Variants in SAMD12 observed in about 807,000 individuals in gnomAD.
SAMD12 encodes sterile alpha motif domain-containing protein 12.
In SAMD12, 9 loss-of-function variants were observed where a neutral mutation model predicts 15.0. The ratio of observed to expected loss-of-function variants is 0.60; its 90% CI spans 0.36 to 1.05. SAMD12 has a LOEUF of 1.05. SAMD12 is among the 50% of genes least tolerant of loss of function. The pLI, the probability that SAMD12 is intolerant of heterozygous loss-of-function variation, is 0.01. For synonymous variants in SAMD12, 86 were observed against 90.1 expected, an observed-to-expected ratio of 0.96 and a Z score of 0.25; for missense variants, 230 against 234.2, an observed-to-expected ratio of 0.98 and a Z score of 0.12.
At chr8:118,576,396 T>C (rs1291740776) in intron 2 of SAMD12, among the ~76,000 whole-genome samples, 1 of 152,214 alleles carries the variant, frequency 6.6e-6, no homozygotes, top group Non-Finnish European at 1.5e-5. Flanking sequence ...CCCCAGCCTA[T>C]TGTTCCAGAC....
At chr8:118,417,078 GTTTTGTT>G (rs1033970207) in intron 3 of SAMD12, among the ~76,000 whole-genome samples, 2 of 151,738 alleles carry the variant, frequency 1.3e-5, no homozygotes, top group Admixed American at 6.6e-5. Context: ...CAGAAGAATA[GTTTTGTT>G]TTTTGTTTTT....
At chr8:118,571,514 C>T (rs1175421653) in intron 2 of SAMD12, among the ~76,000 whole-genome samples, 1 of 152,168 alleles carries the variant, frequency 6.6e-6, no homozygotes, top group Non-Finnish European at 1.5e-5. Flanking sequence ...AGCAGCCCCT[C>T]CCATCACAGG....
At chr8:118,506,712 C>T (rs1161456993) in intron 2 of SAMD12, among the ~76,000 whole-genome samples, 2 of 151,862 alleles carry the variant, frequency 1.3e-5, no homozygotes, top group Admixed American at 6.6e-5. Context: ...TCTAGGCTGA[C>T]ACTATTTACA....
intron 2 of SAMD12, among the ~76,000 whole-genome samples, chr8:118,443,423 A>G (rs906747080): frequency 2.0e-5 from 3 of 152,144 alleles, no homozygotes; most frequent in African/African-American, 7.2e-5. Context: ...GTGCCATTGT[A>G]CACCAGCCTG....
the SAMD12 span, among the ~76,000 whole-genome samples, chr8:118,158,395 C>T: frequency 6.6e-6 from 1 of 152,198 alleles, no homozygotes; most frequent in African/African-American, 2.4e-5. Context: ...GAGGTGCTGC[C>T]AGGATGGCAA....
Position 118,302,078 on chromosome 8 carries a change from G to GTTTTTTTTTT in SAMD12, c.433+77472_433+77481dup, listed in dbSNP as rs58076997. Among the ~76,000 whole-genome samples, 484 of 74,656 alleles carry GTTTTTTTTTT rather than the reference G, an allele frequency of 6.5e-3. 87 individuals are homozygous for GTTTTTTTTTT. Among genetic ancestry groups the GTTTTTTTTTT allele is most frequent in the African/African-American group, 0.031 (444 of 14,266 alleles). The allele number at this position is 74,656 out of a possible 152,430, so 49.0% of individuals were successfully genotyped here. A position where few individuals can be genotyped will look rare whatever the true frequency, so the allele number is the denominator to read the frequency against. On this transcript the variant is annotated intron_variant, in intron 4 of 4. Coordinates refer to the SAMD12 transcript ENST00000409003. ...ATTTTCTAGCGCCAGATCTTTGAGA[G>GTTTTTTTTTT]TTTTTTTTTTTTTTTTTTTTTTTTT...
chr8:118,485,708 T>A (rs1824258020), intron 2 of SAMD12, among the ~76,000 whole-genome samples: 1 of 152,214 alleles, frequency 6.6e-6, no homozygotes, highest in South Asian at 2.1e-4. Flanking sequence ...TAATATGGAT[T>A]TCGATGAAGA....
At chr8:118,409,202 T>C (rs3912488) in intron 3 of SAMD12, among the ~76,000 whole-genome samples, 52,325 of 152,006 alleles carry the variant, frequency 0.34, 9,668 homozygotes, top group African/African-American at 0.41. Context: ...TTTTTCAAAT[T>C]AGCCTCCAGT....
chr8:118,408,070 C>A (rs987405743), intron 3 of SAMD12, among the ~76,000 whole-genome samples: 1 of 152,180 alleles, frequency 6.6e-6, no homozygotes, highest in Non-Finnish European at 1.5e-5. Context: ...TATACACACT[C>A]AAGTTCCCTG....
intron 4 of SAMD12, among the ~76,000 whole-genome samples, chr8:118,218,293 A>G (rs767947782): frequency 2.6e-5 from 4 of 152,252 alleles, no homozygotes; most frequent in Non-Finnish European, 1.5e-5. Context: ...ATTTATGGGA[A>G]TGCAATGTAA....
At chr8:118,299,050 T>A (rs1386918842) in intron 4 of SAMD12, among the ~76,000 whole-genome samples, 4 of 152,182 alleles carry the variant, frequency 2.6e-5, no homozygotes, top group Non-Finnish European at 4.4e-5. Context: ...CATGTTCTTA[T>A]ATCTGGGAAA....
chr8:118,521,001 G>A (rs923583017), intron 2 of SAMD12, among the ~76,000 whole-genome samples: 5 of 152,136 alleles, frequency 3.3e-5, no homozygotes, highest in Non-Finnish European at 7.4e-5. Context: ...GTTGGACTCT[G>A]TGTCGATTTA....
exon 5 of SAMD12, chr8:118,196,149 TG>T (rs1054249346): frequency 1.3e-5 from 2 of 152,182 alleles, no homozygotes; most frequent in African/African-American, 4.8e-5. Context: ...ATCTCAGGCG[TG>T]GGTGGTTTCC....
At chr8:118,602,024 C>T (rs1450400907) in intron 1 of SAMD12, among the ~76,000 whole-genome samples, 1 of 152,190 alleles carries the variant, frequency 6.6e-6, no homozygotes, top group Non-Finnish European at 1.5e-5. Context: ...CAAGTACCCC[C>T]AGACTTCTTA....
chr8:118,172,083 C>T, the SAMD12 span, among the ~76,000 whole-genome samples: 47 of 152,056 alleles, frequency 3.1e-4, no homozygotes, highest in African/African-American at 1.1e-3. Context: ...GGGTGGGGAA[C>T]ATCACACACC....
intron 4 of SAMD12, among the ~76,000 whole-genome samples, chr8:118,304,375 C>T (rs1452480949): frequency 6.6e-6 from 1 of 152,160 alleles, no homozygotes; most frequent in East Asian, 1.9e-4. Context: ...ACTGTTTTGT[C>T]CATTAGTCAG....
chr8:118,550,408 A>T (rs1826289175), intron 2 of SAMD12, among the ~76,000 whole-genome samples: 1 of 152,232 alleles, frequency 6.6e-6, no homozygotes, highest in African/African-American at 2.4e-5. Flanking sequence ...GCAACCCAGA[A>T]TTTCATATCC....
intron 4 of SAMD12, among the ~76,000 whole-genome samples, chr8:118,362,580 C>T (rs1194041186): frequency 6.6e-6 from 1 of 152,164 alleles, no homozygotes; most frequent in African/African-American, 2.4e-5. Context: ...TCTCCATATA[C>T]TACCTTCACC....
rs1175746208 is a variant in SAMD12 at position 118,545,585 on chromosome 8, A to G, written c.192+35130T>C. Reference sequence around the variant, plus strand: ...AGGGTATCTACTTCTTCAAAACACCATAGTCTTCGCCCAAAGTGGAGGAAA... The same window carrying G: ...AGGGTATCTACTTCTTCAAAACACCGTAGTCTTCGCCCAAAGTGGAGGAAA... On this transcript the variant is annotated intron_variant, in intron 2 of 3. Transcript: ENST00000314727. Among the ~76,000 whole-genome samples the G allele has an allele frequency of 3.9e-5, 6 of 152,364 alleles. No homozygotes were observed. In the East Asian group the frequency reaches 9.6e-4, roughly 24 times the overall value.
Sources: gnomAD v4.1 joint callset for allele counts (sites outside exome capture counted in the v4.1 genomes callset) on GRCh38, gnomAD v4.1.1 for gene constraint, MANE v1.5 for transcripts, NCBI Gene and HGNC (gene_info 2026-07-23, HGNC 2026-07-21) for gene names.